Variants in SEMA3D observed in about 807,000 individuals in gnomAD.
SEMA3D encodes the protein semaphorin-3D.
A neutral mutation model predicts 100.1 loss-of-function variants in SEMA3D; 84 were observed. That is an observed-to-expected ratio of 0.84 (90% CI 0.70 to 1.01). The LOEUF is 1.01. Among genes scored for constraint, SEMA3D ranks in the 50% least tolerant of loss-of-function variants. SEMA3D has a pLI of 0.00. For synonymous variants in SEMA3D, 312 were observed against 320.7 expected (o/e 0.97, Z 0.29); for missense variants, 875 against 934.1 (o/e 0.94, Z 0.82).
chr7:85,034,505 G>A (rs1234602830), intron 12 of SEMA3D, among the ~76,000 whole-genome samples: 3 of 152,050 alleles, frequency 2.0e-5, no homozygotes, highest in Non-Finnish European at 4.4e-5. Flanking sequence ...TACTCTGGAG[G>A]CTAAGGCAGG....
At chr7:85,042,346 ACTGGTGG>A in intron 9 of SEMA3D, 61 bp from the exon 10 acceptor site, 1 of 1,181,416 alleles carries the variant, frequency 8.5e-7, no homozygotes, top group South Asian at 1.3e-5. Flanking sequence ...ACTCACTAAA[ACTGGTGG>A]CTATTACAGG....
chr7:85,181,355 CACACACAT>C (rs1161357306), intron 1 of SEMA3D, among the ~76,000 whole-genome samples: 1 of 124,324 alleles, frequency 8.0e-6, no homozygotes, highest in African/African-American at 2.8e-5. Context: ...CACACACACA[CACACACAT>C]GCACTGCTAG....
At chr7:85,242,973 C>T in the SEMA3D span, among the ~76,000 whole-genome samples, 9 of 152,066 alleles carry the variant, frequency 5.9e-5, no homozygotes, top group African/African-American at 9.6e-5. Flanking sequence ...GTAAGGTTTG[C>T]GGGGAGAGAA....
chr7:85,231,675 C>A, the SEMA3D span, among the ~76,000 whole-genome samples: 9 of 152,108 alleles, frequency 5.9e-5, no homozygotes, highest in Non-Finnish European at 1.2e-4. Context: ...TGGTCTCGAT[C>A]TCCTGACTTT....
intron 13 of SEMA3D, among the ~76,000 whole-genome samples, chr7:85,020,696 T>A (rs140255531): frequency 6.6e-6 from 1 of 151,574 alleles, no homozygotes; most frequent in Non-Finnish European, 1.5e-5. Flanking sequence ...TCTCTCTTCC[T>A]TCCATGTAAT....
At chr7:85,141,995 A>C in intron 2 of SEMA3D, 2 of 980,260 alleles carry the variant, frequency 2.0e-6, no homozygotes, top group Non-Finnish European at 2.4e-6. Flanking sequence ...CCAAATCTTT[A>C]ATGCATCAAG....
At chr7:85,018,186 A>T in intron 15 of SEMA3D, 66 bp downstream of exon 15, 1 of 954,534 alleles carries the variant, frequency 1.0e-6, no homozygotes, top group Admixed American at 2.0e-5. Context: ...TTTTTTTTCA[A>T]ATAAAGTTTG....
At chr7:85,108,541 A>G (rs1788998438) in intron 3 of SEMA3D, among the ~76,000 whole-genome samples, 1 of 152,170 alleles carries the variant, frequency 6.6e-6, no homozygotes, top group Non-Finnish European at 1.5e-5. Context: ...GTCACAGAGT[A>G]TGTCTGAGAT....
At chr7:85,086,742 G>T (rs553495567) in intron 4 of SEMA3D, among the ~76,000 whole-genome samples, 1 of 151,802 alleles carries the variant, frequency 6.6e-6, no homozygotes, top group African/African-American at 2.4e-5. Context: ...GAAAAATAGA[G>T]ATGTCAACTA....
chr7:85,166,718 A>G (rs1790917149), intron 1 of SEMA3D, among the ~76,000 whole-genome samples: 2 of 152,012 alleles, frequency 1.3e-5, no homozygotes, highest in South Asian at 4.1e-4. Context: ...TCTGTATTGC[A>G]TTAGAGATGA....
At position 85,014,998 on chromosome 7, in the gene SEMA3D, T is replaced by C. The variant is rs555488305; in HGVS notation, c.1703+61A>G. On this transcript the variant is annotated intron_variant, in intron 16 of 18. Coordinates refer to ENST00000284136, the MANE Select transcript of SEMA3D (RefSeq NM_001384900.1). Reference sequence around the variant, plus strand: ...TAACTTAAACTATAAGACAAAGCATTAATGTGAGATATTCAGCTTGTAGAA... The same window carrying C: ...TAACTTAAACTATAAGACAAAGCATCAATGTGAGATATTCAGCTTGTAGAA... 27 of 1,272,438 alleles carry C rather than the reference T, an allele frequency of 2.1e-5. No homozygotes were observed. In the East Asian group the frequency reaches 3.1e-4, roughly 14 times the overall value. The allele number at this position is 1,272,438 out of a possible 1,614,324, so 78.8% of individuals were successfully genotyped here. A position where few individuals can be genotyped will look rare whatever the true frequency, so the allele number is the denominator to read the frequency against.
chr7:85,022,829 G>A (rs1459517101), intron 12 of SEMA3D, among the ~76,000 whole-genome samples: 2 of 151,700 alleles, frequency 1.3e-5, no homozygotes, highest in African/African-American at 4.8e-5. Flanking sequence ...AATTACCTCT[G>A]CATTTTATAA....
intron 9 of SEMA3D, among the ~76,000 whole-genome samples, chr7:85,053,444 T>C (rs1791222605): frequency 1.3e-5 from 2 of 152,086 alleles, no homozygotes; most frequent in Non-Finnish European, 2.9e-5. Flanking sequence ...CAAAATAATC[T>C]TTTTTATGTG....
At chr7:85,026,384 C>T (rs1204670270) in intron 12 of SEMA3D, among the ~76,000 whole-genome samples, 1 of 151,896 alleles carries the variant, frequency 6.6e-6, no homozygotes, top group African/African-American at 2.4e-5. Context: ...GCCACTGATG[C>T]CTATAATGAG....
At chr7:85,039,506 G>C (rs71560710) in intron 11 of SEMA3D, among the ~76,000 whole-genome samples, 1 of 152,074 alleles carries the variant, frequency 6.6e-6, no homozygotes, top group African/African-American at 2.4e-5. Flanking sequence ...TGATCCACCC[G>C]CCTTGGTCTC....
At chr7:85,073,555 C>A (rs1341073592) in intron 5 of SEMA3D, among the ~76,000 whole-genome samples, 4 of 152,030 alleles carry the variant, frequency 2.6e-5, no homozygotes, top group Non-Finnish European at 5.9e-5. Flanking sequence ...CACCTGGTAT[C>A]CTTACTTTCT....
intron 1 of SEMA3D, among the ~76,000 whole-genome samples, chr7:85,176,049 A>G (rs539703659): frequency 6.6e-6 from 1 of 151,958 alleles, no homozygotes; most frequent in East Asian, 1.9e-4. Context: ...GCCATCATGA[A>G]GATATATTGA....
intron 14 of SEMA3D, 76 bp from the exon 15 acceptor site, chr7:85,018,369 G>T: frequency 2.3e-6 from 2 of 886,130 alleles, no homozygotes; most frequent in Admixed American, 1.9e-5. Flanking sequence ...TGTTTTATCT[G>T]ATGCCATATA....
chr7:85,055,902 A>G lies in SEMA3D; in HGVS notation c.719-43T>C, dbSNP rs751704965. On this transcript the variant is annotated intron_variant, in intron 8 of 18. Transcript: ENST00000284136. Reference sequence around the variant, plus strand: ...AGCTATAAATTAAGATACTGAAACAATCCAGTCATCATAGTTTGATGATAT... The same window carrying G: ...AGCTATAAATTAAGATACTGAAACAGTCCAGTCATCATAGTTTGATGATAT... 3 of 1,111,164 alleles carry G rather than the reference A, an allele frequency of 2.7e-6. No individual in the cohort carries two copies. In the East Asian group the frequency reaches 8.4e-5, roughly 31 times the overall value. The allele number at this position is 1,111,164 out of a possible 1,614,324, so 68.8% of individuals were successfully genotyped here.
Sources: allele counts gnomAD v4.1 joint callset (sites outside exome capture counted in the v4.1 genomes callset), GRCh38; gene constraint gnomAD v4.1.1; transcripts MANE v1.5; gene names NCBI Gene and HGNC (gene_info 2026-07-23, HGNC 2026-07-21).